The following ARHGAP24 variants were observed in gnomAD, a reference collection of about 807,000 sequenced individuals.
The protein encoded by ARHGAP24 is Rho GTPase activating protein 24, also known as rho GTPase-activating protein 24.
Under a neutral mutation model 76.4 loss-of-function variants are expected in ARHGAP24, and 50 were observed. The ratio of observed to expected loss-of-function variants is 0.65; its 90% CI spans 0.52 to 0.83. The LOEUF is 0.83. Among genes scored for constraint, ARHGAP24 ranks in the 40% least tolerant of loss-of-function variants. The pLI, the probability that ARHGAP24 is intolerant of heterozygous loss-of-function variation, is 0.00. For missense variants in ARHGAP24, 930 were observed against 914.2 expected (o/e 1.02, Z -0.22); for synonymous variants, 345 against 323.3 (o/e 1.07, Z -0.72).
chr4:85,586,413 T>C (rs534409447), intron 2 of ARHGAP24, among the ~76,000 whole-genome samples: 1 of 152,306 alleles, frequency 6.6e-6, no homozygotes, highest in East Asian at 1.9e-4. Context: ...TACAGTTTCA[T>C]GGTGACATGT....
At chr4:85,659,886 A>T (rs1384091069) in intron 2 of ARHGAP24, among the ~76,000 whole-genome samples, 2 of 152,176 alleles carry the variant, frequency 1.3e-5, no homozygotes, top group Non-Finnish European at 2.9e-5. Flanking sequence ...ATAACTTAGA[A>T]TATCCTTATG....
At chr4:85,996,059 G>T (rs376903473) in intron 9 of ARHGAP24, among the ~76,000 whole-genome samples, 4 of 152,222 alleles carry the variant, frequency 2.6e-5, no homozygotes, top group African/African-American at 9.6e-5. Flanking sequence ...TGAAACTAGG[G>T]TAAAAAAAGT....
At chr4:85,616,671 A>G (rs185540262) in intron 2 of ARHGAP24, among the ~76,000 whole-genome samples, 1 of 152,146 alleles carries the variant, frequency 6.6e-6, no homozygotes, top group Admixed American at 6.5e-5. Context: ...TCTGTCGCGC[A>G]GGCTGGAGTG....
At chr4:85,895,368 A>T (rs868199151) in intron 3 of ARHGAP24, among the ~76,000 whole-genome samples, 3 of 152,178 alleles carry the variant, frequency 2.0e-5, no homozygotes, top group African/African-American at 7.2e-5. Flanking sequence ...AAATTTATCT[A>T]CACTATGGCC....
intron 2 of ARHGAP24, among the ~76,000 whole-genome samples, chr4:85,608,551 G>GTT (rs141361475): frequency 9.6e-4 from 70 of 73,178 alleles, no homozygotes; most frequent in South Asian, 2.4e-3. Context: ...TTGTTTGGTT[G>GTT]TTTTTTTTTT....
chr4:85,630,640 A>G (rs1229525147), intron 2 of ARHGAP24, among the ~76,000 whole-genome samples: 1 of 152,174 alleles, frequency 6.6e-6, no homozygotes, highest in Admixed American at 6.6e-5. Context: ...CTGTGTCCAC[A>G]GGAGCCAACC....
intron 3 of ARHGAP24, among the ~76,000 whole-genome samples, chr4:85,818,862 T>C (rs1157335088): frequency 2.0e-5 from 3 of 152,222 alleles, no homozygotes; most frequent in Non-Finnish European, 4.4e-5. Context: ...GATATGTCTA[T>C]TGCATCTGCT....
intron 3 of ARHGAP24, among the ~76,000 whole-genome samples, chr4:85,819,693 C>T (rs748259838): frequency 5.9e-5 from 9 of 152,022 alleles, no homozygotes; most frequent in Non-Finnish European, 1.0e-4. Flanking sequence ...CTGAGGCGGG[C>T]AGATCACCTG....
intron 3 of ARHGAP24, among the ~76,000 whole-genome samples, chr4:85,831,209 A>G (rs1490250156): frequency 1.3e-5 from 2 of 152,230 alleles, no homozygotes; most frequent in South Asian, 2.1e-4. Context: ...ACTGATGACC[A>G]ATACAACATA....
chr4:85,501,577 T>A (rs1309304023), intron 1 of ARHGAP24, among the ~76,000 whole-genome samples: 1 of 152,198 alleles, frequency 6.6e-6, no homozygotes, highest in African/African-American at 2.4e-5. Context: ...GGGTTGTTTT[T>A]TTCTTGTGAA....
chr4:85,847,128 TA>T (rs1438604310), intron 3 of ARHGAP24, among the ~76,000 whole-genome samples: 1 of 152,188 alleles, frequency 6.6e-6, no homozygotes, highest in Non-Finnish European at 1.5e-5. Context: ...AGTAAATTTT[TA>T]TAATAATACT....
At chr4:85,486,357 AAT>A (rs1461007219) in intron 1 of ARHGAP24, among the ~76,000 whole-genome samples, 1 of 152,136 alleles carries the variant, frequency 6.6e-6, no homozygotes, top group Non-Finnish European at 1.5e-5. Context: ...AATGTCCTGC[AAT>A]ATGTGTATGA....
At chr4:85,982,906 C>T (rs1168617103) in intron 8 of ARHGAP24, among the ~76,000 whole-genome samples, 1 of 152,086 alleles carries the variant, frequency 6.6e-6, no homozygotes, top group Non-Finnish European at 1.5e-5. Flanking sequence ...GCTACATTTC[C>T]TGATGTTTTC....
At chr4:85,836,984 A>G (rs1020839181) in intron 3 of ARHGAP24, among the ~76,000 whole-genome samples, 1 of 152,156 alleles carries the variant, frequency 6.6e-6, no homozygotes. Flanking sequence ...AAGGAGGGGG[A>G]AAAAGGACTG....
At chr4:85,700,414 AAT>A (rs1724036937) in intron 2 of ARHGAP24, among the ~76,000 whole-genome samples, 1 of 35,498 alleles carries the variant, frequency 2.8e-5, no homozygotes. Flanking sequence ...AAAATAAATA[AAT>A]AAAGAAGAAG....
intron 3 of ARHGAP24, among the ~76,000 whole-genome samples, chr4:85,802,113 G>A (rs1365157252): frequency 6.6e-6 from 1 of 151,980 alleles, no homozygotes; most frequent in Non-Finnish European, 1.5e-5. Context: ...CATTAACTAG[G>A]GCCCCTTCAT....
At chr4:85,525,932 T>C (rs1048211001) in intron 1 of ARHGAP24, among the ~76,000 whole-genome samples, 1 of 152,154 alleles carries the variant, frequency 6.6e-6, no homozygotes, top group African/African-American at 2.4e-5. Context: ...AACATAGAAT[T>C]AGATACCTTT....
intron 1 of ARHGAP24, among the ~76,000 whole-genome samples, chr4:85,566,805 G>A (rs1446568328): frequency 4.6e-5 from 7 of 152,188 alleles, no homozygotes; most frequent in Non-Finnish European, 1.0e-4. Context: ...ACACAGTTCA[G>A]CGATAGAGAA....
intron 2 of ARHGAP24, among the ~76,000 whole-genome samples, chr4:85,606,495 A>G (rs1720201011): frequency 6.9e-6 from 1 of 144,176 alleles, no homozygotes; most frequent in East Asian, 2.1e-4. Context: ...CCTGGGCGAC[A>G]GAGCGAGACT....
Sources: allele counts gnomAD v4.1 joint callset (sites outside exome capture counted in the v4.1 genomes callset), GRCh38; gene constraint gnomAD v4.1.1; transcripts MANE v1.5; gene names NCBI Gene and HGNC (gene_info 2026-07-23, HGNC 2026-07-21).